TLN2: variants seen among roughly 807,000 people sequenced by gnomAD.
TLN2 encodes talin-2.
In TLN2, 118 loss-of-function variants were observed where a neutral mutation model predicts 294.7. The ratio of observed to expected loss-of-function variants is 0.40; its 90% CI spans 0.34 to 0.47. The LOEUF is 0.47. Ranked by LOEUF, TLN2 falls within the 20% of genes least tolerant of loss-of-function variation. The pLI is 0.84. For missense variants in TLN2, 3,083 were observed against 3,282.2 expected (o/e 0.94, Z 1.48); for synonymous variants, 1,431 against 1,304.5 (o/e 1.10, Z -2.09).
intron 54 of TLN2, chr15:62,824,049 C>CGGG: frequency 2.0e-6 from 1 of 506,704 alleles, no homozygotes; most frequent in African/African-American, 2.0e-5. Context: ...GCCCTGTCTC[C>CGGG]GGGGGTTCCT....
At chr15:62,750,758 T>A (rs1037396025) in intron 34 of TLN2, among the ~76,000 whole-genome samples, 1 of 152,216 alleles carries the variant, frequency 6.6e-6, no homozygotes, top group African/African-American at 2.4e-5. Flanking sequence ...TCTACATTTC[T>A]GACTATCTCC....
intron 41 of TLN2, among the ~76,000 whole-genome samples, chr15:62,768,684 T>G (rs1255384870): frequency 2.0e-5 from 3 of 152,210 alleles, no homozygotes; most frequent in Non-Finnish European, 4.4e-5. Flanking sequence ...AGGAAGGATG[T>G]TTCCTGTTCT....
At chr15:62,729,935 A>C (rs867378495) in intron 28 of TLN2, among the ~76,000 whole-genome samples, 6 of 151,434 alleles carry the variant, frequency 4.0e-5, no homozygotes, top group Non-Finnish European at 5.9e-5. Flanking sequence ...ATTTCTTTAA[A>C]TCTAAGTTAC....
intron 1 of TLN2, among the ~76,000 whole-genome samples, chr15:62,403,114 T>C (rs1458899428): frequency 5.3e-5 from 8 of 151,896 alleles, no homozygotes; most frequent in Admixed American, 5.2e-4. Context: ...GGCGTGTGCC[T>C]GTAGTCCCAG....
chr15:62,506,504 C>A (rs1417187943), intron 1 of TLN2, among the ~76,000 whole-genome samples: 5 of 152,238 alleles, frequency 3.3e-5, no homozygotes, highest in Admixed American at 6.5e-5. Flanking sequence ...TTCCTAGGAA[C>A]TGTGCTGAAC....
chr15:62,640,595 G>C (rs1477108450), intron 3 of TLN2, among the ~76,000 whole-genome samples: 1 of 152,074 alleles, frequency 6.6e-6, no homozygotes, highest in Non-Finnish European at 1.5e-5. Context: ...GCGCCAAAGG[G>C]TGAGGGCTTT....
chr15:62,435,773 C>A (rs2035258598), intron 1 of TLN2, among the ~76,000 whole-genome samples: 1 of 152,128 alleles, frequency 6.6e-6, no homozygotes, highest in Non-Finnish European at 1.5e-5. Context: ...AACTCCTGAC[C>A]TCAGGTGATC....
intron 3 of TLN2, among the ~76,000 whole-genome samples, chr15:62,629,878 T>G (rs193114593): frequency 2.4e-4 from 36 of 152,304 alleles, no homozygotes; most frequent in Admixed American, 7.8e-4. Flanking sequence ...ACATTGAAGC[T>G]TTGTGAAAAT....
In TLN2 at chr15:62,716,449, A is replaced by C; in HGVS notation, c.2753A>C (p.Asn918Thr). The C allele has an allele frequency of 6.2e-7, 1 of 1,604,846 alleles. No homozygotes were observed. The highest frequency in any genetic ancestry group is 8.5e-7 in the Non-Finnish European group (1 of 1,176,184). The change falls in exon 23 of 59, where the codon AAC becomes ACC. Residue 918 changes from asparagine (N) to threonine (T), a missense_variant. Coordinates refer to ENST00000636159, the MANE Select transcript of TLN2 (RefSeq NM_015059.3). ...AATGCTATTAAGAAAAAAATTGTCA[A>C]CCGACTGGAGGTAAGGAAAGAGGCT... ...AQNAIKKKIV[N>T]RLEVAAKQAA... is the part of the protein sequence containing the mutation.
chr15:62,492,634 C>G (rs1277748315), intron 1 of TLN2, among the ~76,000 whole-genome samples: 1 of 151,380 alleles, frequency 6.6e-6, no homozygotes, highest in Admixed American at 6.6e-5. Context: ...ATGAATTTTG[C>G]CCTATGTCAG....
intron 1 of TLN2, among the ~76,000 whole-genome samples, chr15:62,587,644 CAT>C (rs886886866): frequency 1.8e-4 from 28 of 152,266 alleles, no homozygotes; most frequent in African/African-American, 6.5e-4. Flanking sequence ...TAAACAATGC[CAT>C]GTGTATCCAT....
chr15:62,515,722 T>A (rs910699879), intron 1 of TLN2, among the ~76,000 whole-genome samples: 9 of 141,064 alleles, frequency 6.4e-5, no homozygotes, highest in African/African-American at 2.4e-4. Flanking sequence ...TTTTTGGTGT[T>A]TTTCACACAT....
intron 1 of TLN2, among the ~76,000 whole-genome samples, chr15:62,488,613 A>T (rs1035058818): frequency 6.6e-6 from 1 of 152,232 alleles, no homozygotes; most frequent in Non-Finnish European, 1.5e-5. Flanking sequence ...ATTAAAACAA[A>T]ACTTGGATGA....
intron 1 of TLN2, among the ~76,000 whole-genome samples, chr15:62,571,842 G>T (rs961482775): frequency 1.3e-5 from 2 of 152,104 alleles, no homozygotes; most frequent in Admixed American, 6.5e-5. Flanking sequence ...CCCAAATAAA[G>T]GAGCCACCAT....
intron 21 of TLN2, among the ~76,000 whole-genome samples, chr15:62,709,013 T>C (rs906233229): frequency 6.6e-6 from 1 of 152,232 alleles, no homozygotes; most frequent in African/African-American, 2.4e-5. Context: ...TTTGTTATAA[T>C]GGTTAGATTT....
chr15:62,835,492 T>C (rs775282159), intron 55 of TLN2: 7 of 572,090 alleles, frequency 1.2e-5, no homozygotes, highest in Non-Finnish European at 2.2e-5. Flanking sequence ...GGAAGCTAAG[T>C]GGAGCCATTC....
intron 6 of TLN2, 126 bp downstream of exon 6, chr15:62,652,260 AATCC>A (rs2052677382): frequency 9.8e-7 from 1 of 1,021,524 alleles, no homozygotes; most frequent in Admixed American, 3.4e-5. Context: ...AGTTCTGCCT[AATCC>A]CCAGAGGGTG....
chr15:62,439,177 C>G (rs184281106), intron 1 of TLN2, among the ~76,000 whole-genome samples: 11 of 152,332 alleles, frequency 7.2e-5, no homozygotes, highest in Admixed American at 5.9e-4. Context: ...AAGATTATGA[C>G]ACTTTACTAT....
rs1295594294 is a variant in TLN2, at chr15:62,667,132, A to AT, written c.789-6689dup. Among the ~76,000 whole-genome samples the AT allele has an allele frequency of 5.3e-5, 8 of 151,964 alleles. No individual in the cohort carries two copies. The South Asian group carries it at 1.5e-3, about 28-fold the overall frequency. On this transcript the variant is annotated intron_variant, in intron 9 of 58. Coordinates refer to ENST00000636159, the MANE Select transcript of TLN2 (RefSeq NM_015059.3). Reference sequence around the variant, plus strand: ...AGGCGCCCACCACCACGCCCGGCTAATTTTTTGTATTTTTTAGTAGAGACG... The same window carrying AT: ...AGGCGCCCACCACCACGCCCGGCTAATTTTTTTGTATTTTTTAGTAGAGACG...
Sources: allele counts gnomAD v4.1 joint callset (sites outside exome capture counted in the v4.1 genomes callset), GRCh38; gene constraint gnomAD v4.1.1; transcripts MANE v1.5; gene names NCBI Gene and HGNC (gene_info 2026-07-23, HGNC 2026-07-21).